Variants in MYO3B observed in about 807,000 individuals in gnomAD.
The protein encoded by MYO3B is myosin-IIIb.
A neutral mutation model predicts 174.6 loss-of-function variants in MYO3B; 156 were observed. The observed-to-expected ratio is 0.89, with a 90% CI of 0.78 to 1.02. The LOEUF is 1.02. MYO3B is among the 50% of genes least tolerant of loss of function. MYO3B has a pLI of 0.00. For synonymous variants in MYO3B, 563 were observed against 569.1 expected (o/e 0.99, Z 0.15); for missense variants, 1,632 against 1,639.4 (o/e 1.00, Z 0.08).
chr2:170,369,239 T>C lies in MYO3B; in HGVS notation c.833T>C (p.Phe278Ser), dbSNP rs746739832. Reference sequence around the variant, plus strand: ...GCAAACAGGTGTCTTATTAAGGATTTTGAAAGGCGACCTTCCGTCACACAT... The same window carrying C: ...GCAAACAGGTGTCTTATTAAGGATTCTGAAAGGCGACCTTCCGTCACACAT... ...HFISQCLIKD[F>S]ERRPSVTHLL... Residue 278 changes from phenylalanine to serine, a missense_variant, in exon 9 of 35, where the codon TTT becomes TCT. Phe to Ser is a radical substitution (Grantham distance 155). Transcript: ENST00000408978. The C allele has an allele frequency of 2.5e-6, 4 of 1,613,308 alleles. No homozygotes were observed. Among genetic ancestry groups the C allele is most frequent in the Non-Finnish European group, 3.4e-6 (4 of 1,179,544 alleles).
chr2:170,186,367 G>C (rs1428999704), intron 1 of MYO3B, among the ~76,000 whole-genome samples: 1 of 152,090 alleles, frequency 6.6e-6, no homozygotes, highest in Admixed American at 6.5e-5. Flanking sequence ...TTTTCAGCAT[G>C]AACTGAAATG....
chr2:170,556,207 A>AT (rs1185490495), intron 32 of MYO3B, among the ~76,000 whole-genome samples: 1 of 152,036 alleles, frequency 6.6e-6, no homozygotes, highest in East Asian at 1.9e-4. Context: ...AAAAAAAAAA[A>AT]AAGATTCCTT....
At chr2:170,335,294 C>A in intron 7 of MYO3B, 91 bp from the exon 8 acceptor site, 2 of 935,158 alleles carry the variant, frequency 2.1e-6, no homozygotes, top group South Asian at 1.6e-5. Flanking sequence ...TTTATTAGAG[C>A]TATTTAGAAT....
intron 32 of MYO3B, among the ~76,000 whole-genome samples, chr2:170,649,187 A>AT (rs1165614385): frequency 1.6e-5 from 1 of 63,798 alleles, no homozygotes; most frequent in Non-Finnish European, 2.6e-5. Flanking sequence ...TATATAAAAT[A>AT]ATATATATTA....
chr2:170,193,754 T>A (rs1314172973), intron 1 of MYO3B, among the ~76,000 whole-genome samples: 1 of 152,170 alleles, frequency 6.6e-6, no homozygotes, highest in Non-Finnish European at 1.5e-5. Flanking sequence ...ATCTATTGCC[T>A]ACTTACTGAA....
chr2:170,207,137 A>C (rs138821600), intron 3 of MYO3B, among the ~76,000 whole-genome samples: 144 of 152,220 alleles, frequency 9.5e-4, no homozygotes, highest in African/African-American at 3.3e-3. Flanking sequence ...GGATCATAAG[A>C]AACTGAAATT....
chr2:170,489,751 C>T (rs1336157882), intron 25 of MYO3B, among the ~76,000 whole-genome samples: 1 of 151,734 alleles, frequency 6.6e-6, no homozygotes, highest in African/African-American at 2.4e-5. Flanking sequence ...CTTTCTTCCT[C>T]GTCACGGGAC....
intron 32 of MYO3B, among the ~76,000 whole-genome samples, chr2:170,589,115 T>A (rs140585965): frequency 6.6e-6 from 1 of 151,826 alleles, no homozygotes; most frequent in Non-Finnish European, 1.5e-5. Flanking sequence ...CAGGAGAAGA[T>A]GAAAAAAAGA....
chr2:170,432,097 C>T (rs116755440), intron 22 of MYO3B, among the ~76,000 whole-genome samples: 1,802 of 152,256 alleles, frequency 0.012, 13 homozygotes, highest in Middle Eastern at 0.024. Context: ...TACTGGTTTA[C>T]GTATGTGCTA....
intron 30 of MYO3B, among the ~76,000 whole-genome samples, chr2:170,534,270 G>A (rs1689542959): frequency 6.6e-6 from 1 of 152,148 alleles, no homozygotes; most frequent in African/African-American, 2.4e-5. Context: ...TAAGGCTGTT[G>A]CACACTTAAT....
intron 1 of MYO3B, among the ~76,000 whole-genome samples, chr2:170,190,991 C>T (rs1008926250): frequency 2.6e-5 from 4 of 151,938 alleles, no homozygotes; most frequent in Non-Finnish European, 5.9e-5. Flanking sequence ...TACCCAAGGC[C>T]CGCTGCAAAT....
chr2:170,263,264 G>A (rs1395337158), intron 7 of MYO3B, among the ~76,000 whole-genome samples: 4 of 152,188 alleles, frequency 2.6e-5, no homozygotes, highest in Admixed American at 2.6e-4. Context: ...ACATTCAGCA[G>A]GCAATTGGGC....
chr2:170,180,549 C>A (rs2092385558), intron 1 of MYO3B, among the ~76,000 whole-genome samples: 1 of 152,120 alleles, frequency 6.6e-6, no homozygotes, highest in South Asian at 2.1e-4. Context: ...ACATTTGGGT[C>A]ATAATAGTCT....
At chr2:170,591,583 CT>C (rs5836291) in intron 32 of MYO3B, among the ~76,000 whole-genome samples, 3 of 150,276 alleles carry the variant, frequency 2.0e-5, no homozygotes, top group Non-Finnish European at 3.0e-5. Flanking sequence ...AGGACAAAGA[CT>C]TTTTTTTTTC....
chr2:170,431,639 T>C (rs1197888515), intron 22 of MYO3B, among the ~76,000 whole-genome samples: 1 of 152,246 alleles, frequency 6.6e-6, no homozygotes, highest in Non-Finnish European at 1.5e-5. Context: ...AATTACCAAT[T>C]AAAAGTCAAT....
chr2:170,217,611 A>G (rs919596369), intron 6 of MYO3B, among the ~76,000 whole-genome samples: 3 of 152,196 alleles, frequency 2.0e-5, no homozygotes, highest in African/African-American at 4.8e-5. Context: ...GGGCACCTTC[A>G]TGCAATTAGA....
chr2:170,514,543 G>A (rs1437756100), intron 28 of MYO3B, among the ~76,000 whole-genome samples: 2 of 152,196 alleles, frequency 1.3e-5, no homozygotes, highest in East Asian at 3.8e-4. Context: ...CTGAAAGACA[G>A]CAGGAAAGCT....
At chr2:170,216,132 C>A (rs1348578802) in intron 5 of MYO3B, among the ~76,000 whole-genome samples, 2 of 152,212 alleles carry the variant, frequency 1.3e-5, no homozygotes, top group East Asian at 3.8e-4. Flanking sequence ...CCGCAGTCAT[C>A]CCCCAATAAA....
chr2:170,533,134 G>A (rs942845292), intron 30 of MYO3B, among the ~76,000 whole-genome samples: 8 of 152,122 alleles, frequency 5.3e-5, no homozygotes, highest in Middle Eastern at 3.4e-3. Context: ...TCTATTCCAC[G>A]TCATCATTGC....
Sources: allele counts gnomAD v4.1 joint callset (sites outside exome capture counted in the v4.1 genomes callset), GRCh38; gene constraint gnomAD v4.1.1; transcripts MANE v1.5; gene names NCBI Gene and HGNC (gene_info 2026-07-23, HGNC 2026-07-21).